The following BLTP2 variants were observed in gnomAD, a reference collection of about 807,000 sequenced individuals.
The protein encoded by BLTP2 is U937-associated antigen.
the BLTP2 span, chr17:28,634,224 A>G: frequency 1.4e-5 from 11 of 783,674 alleles, no homozygotes; most frequent in African/African-American, 3.5e-5. Context: ...CAGTTGACAC[A>G]GCAAGCTGAA....
At chr17:28,635,380 C>T in the BLTP2 span, 2 of 1,614,108 alleles carry the variant, frequency 1.2e-6, no homozygotes, top group African/African-American at 2.7e-5. Context: ...CTTGGCTGTG[C>T]TCACCTCCAG....
chr17:28,623,258 C>T, the BLTP2 span, among the ~76,000 whole-genome samples: 2 of 152,132 alleles, frequency 1.3e-5, no homozygotes, highest in African/African-American at 2.4e-5. Context: ...TTCCATTTCA[C>T]GATTAAAGGT....
At chr17:28,644,885 C>G in the BLTP2 span, 1 of 961,466 alleles carries the variant, frequency 1.0e-6, no homozygotes, top group South Asian at 1.4e-5. Context: ...CTCTGCCTCA[C>G]GCGCCTCAGT....
chr17:28,642,707 G>C, the BLTP2 span, among the ~76,000 whole-genome samples: 1 of 152,126 alleles, frequency 6.6e-6, no homozygotes, highest in Non-Finnish European at 1.5e-5. Flanking sequence ...CTTACCTCCA[G>C]TCAAGCTCTG....
the BLTP2 span, chr17:28,643,108 C>T: frequency 6.2e-7 from 1 of 1,609,192 alleles, no homozygotes; most frequent in Non-Finnish European, 8.5e-7. Flanking sequence ...CTACCCATAA[C>T]TCCAAAGCCA....
the BLTP2 span, chr17:28,614,462 T>A: frequency 5.1e-6 from 2 of 395,168 alleles, no homozygotes; most frequent in Non-Finnish European, 8.6e-6. Context: ...TTAAAATATC[T>A]TTTTTTTTCT....
At chr17:28,621,191 G>C in the BLTP2 span, 2 of 1,608,204 alleles carry the variant, frequency 1.2e-6, no homozygotes, top group Non-Finnish European at 1.7e-6. Context: ...GTGGGAAAGA[G>C]ATAAGAAAAA....
chr17:28,643,998 A>T, the BLTP2 span: 1 of 1,544,528 alleles, frequency 6.5e-7, no homozygotes, highest in Non-Finnish European at 8.7e-7. Context: ...AAAGGAAATT[A>T]AGAGTTTAAA....
the BLTP2 span, chr17:28,615,863 A>T: frequency 6.4e-7 from 1 of 1,564,918 alleles, no homozygotes; most frequent in Admixed American, 1.7e-5. Context: ...TGCCATTTTG[A>T]GTCCCAGCCA....
chr17:28,641,819 C>G, the BLTP2 span: 1 of 1,373,052 alleles, frequency 7.3e-7, no homozygotes, highest in Non-Finnish European at 1.0e-6. Context: ...AGTGAGACCA[C>G]TATTTTTTCT....
the BLTP2 span, chr17:28,615,306 C>A: frequency 1.4e-6 from 2 of 1,382,356 alleles, no homozygotes; most frequent in East Asian, 2.3e-5. Context: ...CAGAATAAAT[C>A]AAAATGAACC....
the BLTP2 span, chr17:28,615,057 C>T: frequency 1.1e-5 from 18 of 1,611,024 alleles, no homozygotes; most frequent in Admixed American, 1.7e-5. Flanking sequence ...CCACTCGAAT[C>T]GCCAAATCAT....
chr17:28,637,252 C>T, the BLTP2 span: 5 of 1,075,314 alleles, frequency 4.6e-6, no homozygotes, highest in Admixed American at 2.0e-5. Flanking sequence ...CTCACTTATT[C>T]CCTTAACTAT....
At chr17:28,638,323 G>A in the BLTP2 span, 1 of 1,613,972 alleles carries the variant, frequency 6.2e-7, no homozygotes, top group East Asian at 2.2e-5. Flanking sequence ...GGCGCCCGCT[G>A]AATGTGGGAG....
chr17:28,619,599 A>C, the BLTP2 span: 2 of 1,608,438 alleles, frequency 1.2e-6, no homozygotes, highest in Non-Finnish European at 8.5e-7. Flanking sequence ...GGCAAGAAAG[A>C]GAACTGCCTC....
At chr17:28,621,501 G>A in the BLTP2 span, 2 of 1,611,856 alleles carry the variant, frequency 1.2e-6, no homozygotes, top group Non-Finnish European at 1.7e-6. Context: ...TTCTTCACCT[G>A]AAGAAAGAGA....
At chr17:28,642,761 A>G in the BLTP2 span, 1 of 701,802 alleles carries the variant, frequency 1.4e-6, no homozygotes, top group Non-Finnish European at 2.6e-6. Context: ...TAATCTTAGC[A>G]TCTCCTCCAA....
At chr17:28,637,996 G>A in the BLTP2 span, 18 of 1,614,100 alleles carry the variant, frequency 1.1e-5, no homozygotes, top group Non-Finnish European at 1.4e-5. Context: ...ATTGGGCACA[G>A]GTATCTGATG....
the BLTP2 span, among the ~76,000 whole-genome samples, chr17:28,630,471 T>G: frequency 6.9e-6 from 1 of 145,440 alleles, no homozygotes; most frequent in South Asian, 2.3e-4. Context: ...CACTGTTTTT[T>G]TTTTTTTTTT....
Sources: allele counts gnomAD v4.1 joint callset (sites outside exome capture counted in the v4.1 genomes callset), GRCh38; gene constraint gnomAD v4.1.1; transcripts MANE v1.5; gene names NCBI Gene and HGNC (gene_info 2026-07-23, HGNC 2026-07-21).